Variants in ASIC2 observed in about 807,000 individuals in gnomAD.
The protein encoded by ASIC2 is acid-sensing ion channel 2.
In ASIC2, 25 loss-of-function variants were observed where a neutral mutation model predicts 57.3. The ratio of observed to expected loss-of-function variants is 0.44; its 90% confidence interval spans 0.32 to 0.61. ASIC2 has a LOEUF of 0.61. Ranked by LOEUF, ASIC2 falls within the 20% of genes least tolerant of loss-of-function variation. The probability of loss-of-function intolerance (pLI) is 0.06; values close to 1 mark genes in which losing one functional copy is unlikely to be tolerated. For synonymous variants in ASIC2, 319 were observed against 307.5 expected (o/e 1.04, Z -0.39); for missense variants, 641 against 738.1 (o/e 0.87, Z 1.52).
rs569180558 is a variant in ASIC2, at chr17:33,226,920, C to T, written c.708+64488G>A. The stretch of plus-strand genomic sequence containing the variant: ...TATTATATTTTTCACTCATTACATC[C>T]AAAGTAATGTAACTTCGACATGTAA... On this transcript the variant is annotated intron_variant, in intron 1 of 9. Coordinates refer to ENST00000225823, the MANE Select transcript of ASIC2 (RefSeq NM_183377.2). Among the ~76,000 whole-genome samples, 59 of 152,040 alleles carry T rather than the reference C, an allele frequency of 3.9e-4. 3 individuals are homozygous for T. In the South Asian group the frequency reaches 0.011, roughly 30 times the overall value.
rs548273432 is a variant in ASIC2, at chr17:33,671,539, G to A, written c.555+484439C>T. On this transcript the variant is annotated intron_variant, in intron 1 of 9. Transcript: ENST00000359872. ...GATGGGATATGGGAAAGACAAGGAA[G>A]GAGGGAGAAGTGGACTATTTAGTGT... Among the ~76,000 whole-genome samples the A allele has an allele frequency of 5.3e-5, 8 of 152,330 alleles. No homozygotes were observed. The South Asian group carries it at 1.0e-3, about 20-fold the overall frequency.
chr17:33,876,137 T>C (rs1228421805), intron 1 of ASIC2, among the ~76,000 whole-genome samples: 1 of 152,218 alleles, frequency 6.6e-6, no homozygotes, highest in Non-Finnish European at 1.5e-5. Flanking sequence ...GTTATCTTTG[T>C]TTCTTTGTAC....
At chr17:33,162,964 C>T (rs778967725) in intron 1 of ASIC2, among the ~76,000 whole-genome samples, 2 of 152,198 alleles carry the variant, frequency 1.3e-5, no homozygotes, top group Non-Finnish European at 2.9e-5. Context: ...GTGATCATGG[C>T]TGTTTCTCTT....
At chr17:33,126,453 C>T (rs2092323452) in intron 1 of ASIC2, among the ~76,000 whole-genome samples, 1 of 152,162 alleles carries the variant, frequency 6.6e-6, no homozygotes, top group African/African-American at 2.4e-5. Flanking sequence ...CACAGAGTTG[C>T]CAGGGAGACC....
intron 1 of ASIC2, among the ~76,000 whole-genome samples, chr17:33,394,962 C>T (rs1910024552): frequency 6.6e-6 from 1 of 151,910 alleles, no homozygotes; most frequent in African/African-American, 2.4e-5. Context: ...CGCATCCATC[C>T]ATTTTTCCAT....
At chr17:33,592,497 A>G (rs538770575) in intron 1 of ASIC2, among the ~76,000 whole-genome samples, 3 of 152,346 alleles carry the variant, frequency 2.0e-5, no homozygotes, top group African/African-American at 4.8e-5. Context: ...TTAGAATACA[A>G]CTTACAATAC....
intron 1 of ASIC2, among the ~76,000 whole-genome samples, chr17:33,369,429 T>C (rs949435744): frequency 1.3e-5 from 2 of 152,198 alleles, no homozygotes; most frequent in Non-Finnish European, 2.9e-5. Flanking sequence ...TGCTGACAAG[T>C]CACTTTACTT....
chr17:33,681,612 G>A (rs34958643), intron 1 of ASIC2, among the ~76,000 whole-genome samples: 15,198 of 152,220 alleles, frequency 0.1, 1,008 homozygotes, highest in African/African-American at 0.17. Flanking sequence ...AAGGCTCTGC[G>A]CAGCTGGAGG....
At chr17:33,209,358 T>TG (rs948734441) in intron 1 of ASIC2, among the ~76,000 whole-genome samples, 2 of 152,136 alleles carry the variant, frequency 1.3e-5, no homozygotes, top group African/African-American at 4.8e-5. Flanking sequence ...TTTGTCCTTG[T>TG]GGGGGAAAAA....
At chr17:33,499,311 G>A (rs1914033291) in intron 1 of ASIC2, among the ~76,000 whole-genome samples, 1 of 152,192 alleles carries the variant, frequency 6.6e-6, no homozygotes, top group Non-Finnish European at 1.5e-5. Flanking sequence ...TTTATATGTT[G>A]CAGTGCTAAC....
intron 1 of ASIC2, among the ~76,000 whole-genome samples, chr17:33,876,971 A>G (rs1187050433): frequency 6.6e-6 from 1 of 152,212 alleles, no homozygotes; most frequent in African/African-American, 2.4e-5. Flanking sequence ...TAAGCTCACA[A>G]AAGTCCAGGA....
chr17:33,994,265 T>C (rs759204228), intron 1 of ASIC2, among the ~76,000 whole-genome samples: 18 of 152,142 alleles, frequency 1.2e-4, no homozygotes, highest in Non-Finnish European at 2.4e-4. Flanking sequence ...TCCCAAATTA[T>C]AAGAAGAGCC....
At chr17:33,248,127 T>C (rs1908756363) in intron 1 of ASIC2, among the ~76,000 whole-genome samples, 2 of 152,032 alleles carry the variant, frequency 1.3e-5, no homozygotes, top group East Asian at 1.9e-4. Context: ...GAAGGTGAGA[T>C]TGGACTTGAC....
chr17:33,269,046 G>A (rs1419277729), intron 1 of ASIC2, among the ~76,000 whole-genome samples: 1 of 152,164 alleles, frequency 6.6e-6, no homozygotes, highest in African/African-American at 2.4e-5. Context: ...CATATGAACA[G>A]GTGTGACGTT....
intron 1 of ASIC2, among the ~76,000 whole-genome samples, chr17:33,434,634 G>T (rs1040253922): frequency 5.9e-5 from 9 of 152,168 alleles, no homozygotes; most frequent in African/African-American, 2.2e-4. Flanking sequence ...AAAGGACATA[G>T]GTAACTCATC....
At chr17:33,666,597 G>T (rs1907481331) in intron 1 of ASIC2, among the ~76,000 whole-genome samples, 1 of 152,144 alleles carries the variant, frequency 6.6e-6, no homozygotes, top group Non-Finnish European at 1.5e-5. Context: ...AAGTGACTGG[G>T]GGGCATCCGC....
chr17:33,266,375 A>G (rs569832399), intron 1 of ASIC2, among the ~76,000 whole-genome samples: 2 of 152,360 alleles, frequency 1.3e-5, no homozygotes, highest in African/African-American at 4.8e-5. Context: ...TGAAAGAATG[A>G]AAATGAAGTT....
At chr17:33,254,651 C>T (rs979800834) in intron 1 of ASIC2, among the ~76,000 whole-genome samples, 1 of 152,076 alleles carries the variant, frequency 6.6e-6, no homozygotes, top group Non-Finnish European at 1.5e-5. Context: ...TGAAGTCTTC[C>T]CTGATTGTCT....
intron 1 of ASIC2, among the ~76,000 whole-genome samples, chr17:33,333,601 C>T (rs1364167454): frequency 6.6e-6 from 1 of 152,106 alleles, no homozygotes; most frequent in Non-Finnish European, 1.5e-5. Context: ...TTTCTTCCTT[C>T]TTTTTTTCTA....
Sources: allele counts gnomAD v4.1 joint callset (sites outside exome capture counted in the v4.1 genomes callset), GRCh38; gene constraint gnomAD v4.1.1; transcripts MANE v1.5; gene names NCBI Gene and HGNC (gene_info 2026-07-23, HGNC 2026-07-21).